NPAS3: variants seen among roughly 807,000 people sequenced by gnomAD.
The protein encoded by NPAS3 is neuronal PAS domain-containing protein 3.
Under a neutral mutation model 73.1 loss-of-function variants are expected in NPAS3, and 14 were observed. That is an observed-to-expected ratio of 0.19 (90% CI 0.13 to 0.30). The LOEUF (loss-of-function observed/expected upper bound fraction) is 0.30, where lower values mean the gene tolerates loss of function less well. Among genes scored for constraint, NPAS3 ranks in the 10% least tolerant of loss-of-function variants. The pLI is 1.00. For missense variants in NPAS3, 1,096 were observed against 1,250.0 expected, an observed-to-expected ratio of 0.88 and a Z score of 1.86; for synonymous variants, 620 against 541.5, an observed-to-expected ratio of 1.14 and a Z score of -2.01.
chr14:33,026,722 T>C (rs1268356831), intron 1 of NPAS3, among the ~76,000 whole-genome samples: 2 of 152,198 alleles, frequency 1.3e-5, no homozygotes, highest in Non-Finnish European at 2.9e-5. Context: ...ATCTGTCTCT[T>C]AGCTGTAGTA....
intron 2 of NPAS3, among the ~76,000 whole-genome samples, chr14:33,134,269 G>A (rs1256901343): frequency 1.3e-5 from 2 of 151,182 alleles, no homozygotes; most frequent in Non-Finnish European, 2.9e-5. Context: ...TTATATCATA[G>A]CAAAGAGGTT....
chr14:33,094,520 C>T (rs561562213), intron 2 of NPAS3, among the ~76,000 whole-genome samples: 192 of 149,246 alleles, frequency 1.3e-3, no homozygotes, highest in African/African-American at 4.5e-3. Flanking sequence ...GGCCAGAGTG[C>T]AGTGGTGTGA....
intron 4 of NPAS3, among the ~76,000 whole-genome samples, chr14:33,396,949 T>G (rs1444047760): frequency 3.3e-5 from 5 of 152,150 alleles, no homozygotes; most frequent in Non-Finnish European, 7.4e-5. Flanking sequence ...GTGACCTTCT[T>G]TATATGCTTT....
intron 4 of NPAS3, among the ~76,000 whole-genome samples, chr14:33,446,635 T>C (rs183675122): frequency 2.9e-3 from 444 of 152,360 alleles, no homozygotes; most frequent in Non-Finnish European, 5.2e-3. Context: ...GGAGTTTCCA[T>C]TGAATCATCC....
rs17099843 is a variant in NPAS3, at chr14:33,005,954, C to T, written c.51-49951C>T. 4.9e-3 allele frequency among the ~76,000 whole-genome samples: 749 copies of T among 152,268 alleles called. 9 individuals are homozygous for T. The highest frequency in any genetic ancestry group is 0.017 in the African/African-American group (711 of 41,560). On this transcript the variant is annotated intron_variant, in intron 1 of 11. Transcript: ENST00000356141. ...GCCCCTAACACTTAACCCTCAACAG[C>T]CAAACTTGGAAGCATGTAACTCCCT...
At chr14:33,385,699 G>T (rs555747471) in intron 4 of NPAS3, among the ~76,000 whole-genome samples, 44 of 152,128 alleles carry the variant, frequency 2.9e-4, no homozygotes, top group Non-Finnish European at 5.9e-4. Context: ...CAGCTGTAGG[G>T]CCAGGAAAGA....
chr14:33,147,730 AATAT>A lies in NPAS3; in HGVS notation c.141-67430_141-67427del, dbSNP rs10674790. On this transcript the variant is annotated intron_variant, in intron 2 of 11. Transcript: ENST00000356141. The stretch of plus-strand genomic sequence containing the variant: ...CCCTAGAACTTAAAGTAGAATAAAA[AATAT>A]ATATATATATATATATATATACACA... Among the ~76,000 whole-genome samples the A allele has an allele frequency of 7.1e-4, 92 of 130,358 alleles. 2 individuals carry two copies. Among genetic ancestry groups the A allele is most frequent in the African/African-American group, 1.9e-3 (58 of 30,912 alleles). 85.5% of individuals were successfully genotyped at this position (130,358 alleles called of 152,430 possible). A position where few individuals can be genotyped will look rare whatever the true frequency, so the allele number is the denominator to read the frequency against.
intron 3 of NPAS3, among the ~76,000 whole-genome samples, chr14:33,345,900 T>C (rs923573242): frequency 6.6e-6 from 1 of 152,196 alleles, no homozygotes; most frequent in Non-Finnish European, 1.5e-5. Context: ...ATCATTATCA[T>C]CATCAAATAT....
chr14:33,290,377 G>A (rs1482709139), intron 3 of NPAS3, among the ~76,000 whole-genome samples: 1 of 152,204 alleles, frequency 6.6e-6, no homozygotes, highest in South Asian at 2.1e-4. Flanking sequence ...CAAAACTAGG[G>A]AGCAACCAGC....
intron 3 of NPAS3, among the ~76,000 whole-genome samples, chr14:33,328,879 C>G (rs972907461): frequency 6.6e-6 from 1 of 152,134 alleles, no homozygotes; most frequent in African/African-American, 2.4e-5. Context: ...TGGTGTCCCA[C>G]AAATTTTAAC....
At chr14:33,384,831 T>C (rs1226477488) in intron 4 of NPAS3, among the ~76,000 whole-genome samples, 1 of 152,236 alleles carries the variant, frequency 6.6e-6, no homozygotes, top group Non-Finnish European at 1.5e-5. Context: ...CACAGTGACA[T>C]CTACCACCCA....
intron 6 of NPAS3, among the ~76,000 whole-genome samples, chr14:33,701,920 C>G (rs952877016): frequency 2.6e-5 from 4 of 152,192 alleles, no homozygotes; most frequent in Non-Finnish European, 5.9e-5. Flanking sequence ...TATCTGCCCT[C>G]AGGGATCTTA....
intron 2 of NPAS3, among the ~76,000 whole-genome samples, chr14:33,100,253 T>C (rs528962129): frequency 1.3e-5 from 2 of 152,308 alleles, no homozygotes; most frequent in South Asian, 4.1e-4. Context: ...TAGGTTTTTC[T>C]TGTGCTGAAT....
chr14:33,042,943 A>C (rs2040391973), intron 1 of NPAS3, among the ~76,000 whole-genome samples: 1 of 152,194 alleles, frequency 6.6e-6, no homozygotes, highest in Non-Finnish European at 1.5e-5. Flanking sequence ...AGACCTTGAA[A>C]GAAACTGAAA....
chr14:33,428,729 A>G (rs1203769571), intron 4 of NPAS3, among the ~76,000 whole-genome samples: 1 of 152,168 alleles, frequency 6.6e-6, no homozygotes, highest in Non-Finnish European at 1.5e-5. Flanking sequence ...AAACTATGCT[A>G]TCTCCATGAG....
intron 5 of NPAS3, among the ~76,000 whole-genome samples, chr14:33,609,814 C>T (rs2057694543): frequency 2.0e-5 from 3 of 152,082 alleles, no homozygotes; most frequent in South Asian, 4.2e-4. Flanking sequence ...TCTGCAGCGC[C>T]GAGTCTCTGA....
At chr14:33,161,728 G>A (rs538888227) in intron 2 of NPAS3, among the ~76,000 whole-genome samples, 2 of 152,348 alleles carry the variant, frequency 1.3e-5, no homozygotes, top group African/African-American at 4.8e-5. Context: ...TGGAAAGGTA[G>A]GTTCCCATTT....
At chr14:33,159,278 T>C (rs1030845625) in intron 2 of NPAS3, among the ~76,000 whole-genome samples, 1 of 152,222 alleles carries the variant, frequency 6.6e-6, no homozygotes, top group Non-Finnish European at 1.5e-5. Flanking sequence ...ATCAATTTGT[T>C]TATGAGTTGA....
intron 4 of NPAS3, among the ~76,000 whole-genome samples, chr14:33,469,094 T>C (rs920320652): frequency 6.6e-6 from 1 of 152,194 alleles, no homozygotes; most frequent in Non-Finnish European, 1.5e-5. Context: ...CTTTAGTAAT[T>C]AAAGACATTT....
Sources: allele counts gnomAD v4.1 joint callset (sites outside exome capture counted in the v4.1 genomes callset), GRCh38; gene constraint gnomAD v4.1.1; transcripts MANE v1.5; gene names NCBI Gene and HGNC (gene_info 2026-07-23, HGNC 2026-07-21).